The following PCDHGB7 variants were observed in gnomAD, a reference collection of about 807,000 sequenced individuals.
PCDHGB7 encodes the protein protocadherin gamma subfamily B, 7.
PCDHGB7 carries 37 observed loss-of-function variants against 61.4 expected under a neutral mutation model. The observed-to-expected ratio is 0.60, with a 90% CI of 0.46 to 0.79. The LOEUF is 0.79. Ranked by LOEUF, PCDHGB7 falls within the 30% of genes least tolerant of loss-of-function variation. PCDHGB7 has a pLI of 0.00. For missense variants in PCDHGB7, 1,166 were observed against 1,202.5 expected (o/e 0.97, Z 0.45); for synonymous variants, 464 against 503.5 (o/e 0.92, Z 1.05).
intron 1 of PCDHGB7, chr5:141,427,535 C>T (rs746067304): frequency 8.0e-6 from 5 of 626,498 alleles, no homozygotes; most frequent in South Asian, 7.6e-5. Flanking sequence ...CGGAGTACAA[C>T]GTCACCATCA....
intron 1 of PCDHGB7, chr5:141,478,378 G>A (rs1454112813): frequency 6.2e-7 from 1 of 1,613,558 alleles, no homozygotes; most frequent in Admixed American, 1.7e-5. Context: ...TGATGTCGCC[G>A]CACCTTTACC....
chr5:141,485,587 G>C lies in PCDHGB7; in HGVS notation c.2416-9220G>C. 6.2e-7 allele frequency: 1 copy of C among 1,612,652 alleles called. No individual in the cohort carries two copies. The highest frequency in any genetic ancestry group is 1.7e-5 in the Admixed American group (1 of 59,982). On this transcript the variant is annotated intron_variant, in intron 1 of 3. Coordinates refer to ENST00000398594, the MANE Select transcript of PCDHGB7 (RefSeq NM_018927.4). This position sits in a 1 kb window ranked among gnomAD's most constrained non-coding sequence, Gnocchi z 5.7. ...CCCCCCGTTTTCCGCGGCAGCAGCT[G>C]GACTTGGAAATTGGGGAGGCAGCTC... is the stretch of plus-strand genomic sequence containing the variant.
rs556217163 is a variant in PCDHGB7, at chr5:141,433,697, C to T, written c.2415+13423C>T. Among the ~76,000 whole-genome samples the T allele has an allele frequency of 6.0e-4, 91 of 152,138 alleles. 1 individual carries two copies. Among genetic ancestry groups the T allele is most frequent in the African/African-American group, 2.0e-3 (85 of 41,536 alleles). ...CTAAAAAAATACAAAATTAGCCGGGCGTGGTGGTGCATGTCTGTAATCCCA... is the reference window on the plus strand; with the variant it reads ...CTAAAAAAATACAAAATTAGCCGGGTGTGGTGGTGCATGTCTGTAATCCCA... On this transcript the variant is annotated intron_variant, in intron 1 of 3. Coordinates refer to ENST00000398594, the MANE Select transcript of PCDHGB7 (RefSeq NM_018927.4).
rs777925358 is a variant in PCDHGB7 at position 141,477,657 on chromosome 5, G to T, written c.2416-17150G>T. ...GTGGGTCGCTATTTCACAATAAATC[G>T]TGACAATGGCATAGTGTCATCCTTA... On this transcript the variant is annotated intron_variant, in intron 1 of 3. Transcript: ENST00000398594. This position sits in a 1 kb window ranked among gnomAD's most constrained non-coding sequence, Gnocchi z 4.9. 6.8e-6 allele frequency: 11 copies of T among 1,614,072 alleles called. No individual in the cohort carries two copies. Among genetic ancestry groups the T allele is most frequent in the South Asian group, 2.2e-5 (2 of 91,090 alleles).
rs758993148 is a variant in PCDHGB7 at position 141,430,863 on chromosome 5, T to C, written c.2415+10589T>C. On this transcript the variant is annotated intron_variant, in intron 1 of 3. Transcript: ENST00000398594. Reference sequence around the variant, plus strand: ...GGATGCACCCAGATACGCTATTCAGTTCCGGAAGAGCTGGAGAAAGGCTCT... The same window carrying C: ...GGATGCACCCAGATACGCTATTCAGCTCCGGAAGAGCTGGAGAAAGGCTCT... 8 of 1,594,990 alleles carry C rather than the reference T, an allele frequency of 5.0e-6. No individual in the cohort carries two copies. In the South Asian group the frequency reaches 8.0e-5, roughly 16 times the overall value.
intron 2 of PCDHGB7, among the ~76,000 whole-genome samples, chr5:141,498,352 CA>C: frequency 6.6e-6 from 1 of 151,890 alleles, no homozygotes; most frequent in African/African-American, 2.4e-5. Flanking sequence ...AAAGCCTATG[CA>C]AAAGCCTTGT....
At chr5:141,502,862 C>CTTTT (rs2154593209) in intron 2 of PCDHGB7, among the ~76,000 whole-genome samples, 1 of 68,550 alleles carries the variant, frequency 1.5e-5, no homozygotes, top group African/African-American at 9.9e-5. Flanking sequence ...CCCTGACTCT[C>CTTTT]TGTCTTTTTT....
intron 1 of PCDHGB7, among the ~76,000 whole-genome samples, chr5:141,482,447 T>C (rs2099560010): frequency 6.7e-6 from 1 of 149,882 alleles, no homozygotes; most frequent in East Asian, 1.9e-4. Flanking sequence ...ATTCACCATT[T>C]ATTAGCATCC....
chr5:141,432,463 C>A lies in PCDHGB7; in HGVS notation c.2415+12189C>A, dbSNP rs781407406. On this transcript the variant is annotated intron_variant, in intron 1 of 3. Transcript: ENST00000398594. The surrounding 1 kb of genome is among the most constrained non-coding windows in gnomAD (Gnocchi z 6.0). Reference sequence around the variant, plus strand: ...CCGAGATCCTGTACCCCGCCCTCCCCACGGACGGTTCCACTGGCGTGGAGC... The same window carrying A: ...CCGAGATCCTGTACCCCGCCCTCCCAACGGACGGTTCCACTGGCGTGGAGC... The A allele has an allele frequency of 5.6e-6, 9 of 1,614,120 alleles. No homozygotes were observed. In the Admixed American group the frequency reaches 1.3e-4, roughly 24 times the overall value.
intron 1 of PCDHGB7, chr5:141,478,198 ACTT>A (rs2099438516): frequency 1.2e-6 from 2 of 1,613,746 alleles, no homozygotes; most frequent in African/African-American, 1.3e-5. Context: ...CCTTTTATCT[ACTT>A]CTTTCTCTAA....
chr5:141,494,929 GGA>G, intron 2 of PCDHGB7, 64 bp downstream of exon 2: 1 of 1,613,142 alleles, frequency 6.2e-7, no homozygotes, highest in Non-Finnish European at 8.5e-7. Flanking sequence ...TGACGTGGGA[GGA>G]GATGGGGGAG....
chr5:141,442,894 C>T (rs1173211061), intron 1 of PCDHGB7, among the ~76,000 whole-genome samples: 1 of 152,204 alleles, frequency 6.6e-6, no homozygotes, highest in Non-Finnish European at 1.5e-5. Flanking sequence ...CCCTGCTTAT[C>T]ACTTCTCCTT....
intron 1 of PCDHGB7, among the ~76,000 whole-genome samples, chr5:141,455,574 C>T (rs1214642742): frequency 6.6e-6 from 1 of 152,158 alleles, no homozygotes; most frequent in Non-Finnish European, 1.5e-5. Flanking sequence ...CCTCCCACCC[C>T]AGCCTTTTAA....
At chr5:141,440,631 A>C (rs1036203175) in intron 1 of PCDHGB7, 2 of 152,224 alleles carry the variant, frequency 1.3e-5, no homozygotes, top group African/African-American at 4.8e-5. Flanking sequence ...ATGTTGAGAG[A>C]AATTCCTTAC....
rs925034052 is a variant in PCDHGB7, at chr5:141,486,630, T to G, written c.2416-8177T>G. 2 of 1,613,690 alleles carry G rather than the reference T, an allele frequency of 1.2e-6. No individual in the cohort carries two copies. Among genetic ancestry groups the G allele is most frequent in the Non-Finnish European group, 1.7e-6 (2 of 1,180,028 alleles). ...GCAGCCTCTGACCCAGACTCTGGCTTGAATGCGCTTATCTCCTACTCACTC... is the reference window on the plus strand; with the variant it reads ...GCAGCCTCTGACCCAGACTCTGGCTGGAATGCGCTTATCTCCTACTCACTC... On this transcript the variant is annotated intron_variant, in intron 1 of 3. Coordinates refer to ENST00000398594, the MANE Select transcript of PCDHGB7 (RefSeq NM_018927.4). This position sits in a 1 kb window ranked among gnomAD's most constrained non-coding sequence, Gnocchi z 5.0.
chr5:141,424,956 T>C (rs1435882776), intron 1 of PCDHGB7, among the ~76,000 whole-genome samples: 3 of 152,176 alleles, frequency 2.0e-5, no homozygotes, highest in African/African-American at 7.2e-5. Context: ...TTCTAGGTAT[T>C]TGCCCCAAAT....
At position 141,485,939 on chromosome 5, in the gene PCDHGB7, C is replaced by A; in HGVS notation, c.2416-8868C>A. ...CAGGATTAGTGTGTTGGAGAGCGCA[C>A]CAGCGGGCATGGTGCTCATCCAGCT... On this transcript the variant is annotated intron_variant, in intron 1 of 3. Transcript: ENST00000398594. This position sits in a 1 kb window ranked among gnomAD's most constrained non-coding sequence, Gnocchi z 5.7. 1 of 1,614,140 alleles carries A rather than the reference C, an allele frequency of 6.2e-7. No homozygotes were observed. The highest frequency in any genetic ancestry group is 8.5e-7 in the Non-Finnish European group (1 of 1,180,030).
rs563057370 is a variant in PCDHGB7 at position 141,491,297 on chromosome 5, A to G, written c.2416-3510A>G. 1.2e-6 allele frequency: 2 copies of G among 1,614,106 alleles called. No homozygotes were observed. Among genetic ancestry groups the G allele is most frequent in the African/African-American group, 2.7e-5 (2 of 75,038 alleles). On this transcript the variant is annotated intron_variant, in intron 1 of 3. Transcript: ENST00000398594. This position sits in a 1 kb window ranked among gnomAD's most constrained non-coding sequence, Gnocchi z 6.9. The stretch of plus-strand genomic sequence containing the variant: ...AGTGACTTCCTCATACACCCTCCTG[A>G]GCGTTCAGACCTTACCCTTTACCTC...
chr5:141,499,836 A>G (rs2099794751), intron 2 of PCDHGB7, among the ~76,000 whole-genome samples: 1 of 151,894 alleles, frequency 6.6e-6, no homozygotes, highest in African/African-American at 2.4e-5. Flanking sequence ...ACAGGTGTGC[A>G]CCACCACACA....
Sources: gnomAD v4.1 joint callset for allele counts (sites outside exome capture counted in the v4.1 genomes callset) on GRCh38, gnomAD v4.1.1 for gene constraint, Gnocchi (gnomAD v3.1) non-coding constraint, MANE v1.5 for transcripts, NCBI Gene and HGNC (gene_info 2026-07-23, HGNC 2026-07-21) for gene names.